Variants in MOGAT2 observed in about 807,000 individuals in gnomAD.
The protein encoded by MOGAT2 is monoacylglycerol O-acyltransferase 2.
In MOGAT2, 27 loss-of-function variants were observed where a neutral mutation model predicts 31.5. The ratio of observed to expected loss-of-function variants is 0.86; its 90% CI spans 0.63 to 1.18. The LOEUF (loss-of-function observed/expected upper bound fraction) is 1.18, where lower values mean the gene tolerates loss of function less well. MOGAT2 is among the 50% of genes most tolerant of loss of function. MOGAT2 has a pLI of 0.00. For missense variants in MOGAT2, 436 were observed against 433.2 expected, an observed-to-expected ratio of 1.01 and a Z score of -0.06; for synonymous variants, 163 against 170.0, an observed-to-expected ratio of 0.96 and a Z score of 0.32.
Position 75,732,733 on chromosome 11 carries a change from T to C in MOGAT2, c.*1447T>C, listed in dbSNP as rs1377953644. The C allele has an allele frequency of 1.3e-5, 2 of 152,250 alleles. No individual in the cohort carries two copies. Among genetic ancestry groups the C allele is most frequent in the African/African-American group, 4.8e-5 (2 of 41,446 alleles). 9.4% of individuals were successfully genotyped at this position (152,250 alleles called of 1,614,324 possible). On this transcript the variant is annotated 3_prime_UTR_variant, in exon 6 of 6. Coordinates refer to ENST00000198801, the MANE Select transcript of MOGAT2 (RefSeq NM_025098.4). ...TACTCATCCTACAATACTGATTTTA[T>C]CTGTGCAAAGAAGTCTTCCCCAGTG...
chr11:75,728,659 A>T lies in MOGAT2; in HGVS notation c.651-131A>T, dbSNP rs538160253. 1.3e-5 allele frequency: 10 copies of T among 749,154 alleles called. No homozygotes were observed. In the South Asian group the frequency reaches 1.7e-4, roughly 12 times the overall value. 46.4% of individuals were successfully genotyped at this position (749,154 alleles called of 1,614,324 possible). A position where few individuals can be genotyped will look rare whatever the true frequency, so the allele number is the denominator to read the frequency against. On this transcript the variant is annotated intron_variant, in intron 4 of 5. Transcript: ENST00000198801. The stretch of plus-strand genomic sequence containing the variant: ...GGTCTGGGAGATAACCCAGGCCTCC[A>T]CCTCCAGCCCAGGTGGCTGACCTCT...
intron 2 of MOGAT2, among the ~76,000 whole-genome samples, chr11:75,726,319 C>G (rs1565300684): frequency 6.6e-6 from 1 of 152,204 alleles, no homozygotes; most frequent in Non-Finnish European, 1.5e-5. Flanking sequence ...TTCCACCCAA[C>G]AGGACTCGCT....
At chr11:75,720,540 A>C (rs1246531170) in intron 2 of MOGAT2, among the ~76,000 whole-genome samples, 1 of 152,176 alleles carries the variant, frequency 6.6e-6, no homozygotes, top group East Asian at 1.9e-4. Flanking sequence ...ATCTAGCCTC[A>C]CACTTAACAT....
rs138926284 is a variant in MOGAT2, at chr11:75,730,681, C to T, written c.851-451C>T. On this transcript the variant is annotated intron_variant, in intron 5 of 5. Transcript: ENST00000198801. ...ATCCCAGCACTTTGGGAGGTCGAGACGGGCAGATCACAAGGTCAGGAATTC... is the reference window on the plus strand; with the variant it reads ...ATCCCAGCACTTTGGGAGGTCGAGATGGGCAGATCACAAGGTCAGGAATTC... 2.3e-3 allele frequency among the ~76,000 whole-genome samples: 344 copies of T among 152,174 alleles called. 2 individuals are homozygous for T. The highest frequency in any genetic ancestry group is 0.014 in the East Asian group (73 of 5,174).
In MOGAT2 at chr11:75,732,580, A is replaced by G. The variant is rs1944493018; in HGVS notation, c.*1294A>G. 6.6e-6 allele frequency: 1 copy of G among 152,230 alleles called. No homozygotes were observed. Among genetic ancestry groups the G allele is most frequent in the Non-Finnish European group, 1.5e-5 (1 of 68,104 alleles). The allele number at this position is 152,230 out of a possible 1,614,324, so 9.4% of individuals were successfully genotyped here. On this transcript the variant is annotated 3_prime_UTR_variant, in exon 6 of 6. Coordinates refer to ENST00000198801, the MANE Select transcript of MOGAT2 (RefSeq NM_025098.4). ...TCTTCCTCCCTTACTCCGTGCTCCCATCACTCGGAACCATTTGCATTTCTT... is the reference window on the plus strand; with the variant it reads ...TCTTCCTCCCTTACTCCGTGCTCCCGTCACTCGGAACCATTTGCATTTCTT...
At chr11:75,718,061 T>C in intron 1 of MOGAT2, 82 bp downstream of exon 1, 2 of 1,325,256 alleles carry the variant, frequency 1.5e-6, no homozygotes, top group South Asian at 1.2e-5. Flanking sequence ...CACAGCACAT[T>C]GATGGTGGCA....
chr11:75,723,258 C>G (rs2135733086), intron 2 of MOGAT2, among the ~76,000 whole-genome samples: 1 of 119,766 alleles, frequency 8.3e-6, no homozygotes, highest in Admixed American at 8.2e-5. Flanking sequence ...GCTCTGTGCA[C>G]TGTTTTGTTT....
rs1162156663 is a variant in MOGAT2 at position 75,726,627 on chromosome 11, AT to A, written c.271-799del. Among the ~76,000 whole-genome samples, 2 of 144,858 alleles carry A rather than the reference AT, an allele frequency of 1.4e-5. 1 individual carries two copies. The highest frequency in any genetic ancestry group is 1.4e-4 in the Admixed American group (2 of 14,604). ...ATATTCACTACAGGTGCAACAATCT[AT>A]TTTTTTTTCTGAATACATCTGAGGT... On this transcript the variant is annotated intron_variant, in intron 2 of 5. Transcript: ENST00000198801.
At chr11:75,727,306 G>C in intron 2 of MOGAT2, 129 bp from the exon 3 acceptor site, 1 of 717,164 alleles carries the variant, frequency 1.4e-6, no homozygotes, top group South Asian at 1.8e-5. Context: ...AAGAACCCAG[G>C]GTGGTCAGAC....
chr11:75,730,584 G>T (rs986217472), intron 5 of MOGAT2, among the ~76,000 whole-genome samples: 2 of 152,180 alleles, frequency 1.3e-5, no homozygotes, highest in Admixed American at 1.3e-4. Context: ...AGTATTTCAT[G>T]TAAAGCACCT....
rs1944476386 is a variant in MOGAT2 at position 75,731,171 on chromosome 11, CGGA to C, written c.899_901del (p.Glu300del). 1.2e-6 allele frequency: 2 copies of C among 1,613,962 alleles called. No homozygotes were observed. The highest frequency in any genetic ancestry group is 1.3e-5 in the African/African-American group (1 of 74,862). Reference sequence around the variant, plus strand: ...GAGGTACAGAAGACGCTGCATCCCTCGGAGGAGGAGGTGAACCAGCTGCACCAG... The same window carrying C: ...GAGGTACAGAAGACGCTGCATCCCTCGGAGGAGGTGAACCAGCTGCACCAG... On this transcript the variant is annotated inframe_deletion, in exon 6 of 6. Transcript: ENST00000198801.
intron 2 of MOGAT2, among the ~76,000 whole-genome samples, chr11:75,721,031 G>T (rs536764543): frequency 6.6e-6 from 1 of 152,200 alleles, no homozygotes; most frequent in African/African-American, 2.4e-5. Context: ...CAGTGGGGAC[G>T]CAGAGAAGGG....
At chr11:75,730,766 G>T (rs543175479) in intron 5 of MOGAT2, among the ~76,000 whole-genome samples, 1 of 151,958 alleles carries the variant, frequency 6.6e-6, no homozygotes, top group East Asian at 1.9e-4. Flanking sequence ...AAAATTAGCT[G>T]GGCATGGTGG....
At chr11:75,727,830 C>A in intron 3 of MOGAT2, 140 bp from the exon 4 acceptor site, 1 of 1,038,860 alleles carries the variant, frequency 9.6e-7, no homozygotes, top group South Asian at 1.6e-5. Context: ...ACTCAGGGAG[C>A]TCCTAGCTGG....
At chr11:75,720,227 C>A in intron 2 of MOGAT2, 57 bp downstream of exon 2, 1 of 1,559,434 alleles carries the variant, frequency 6.4e-7, no homozygotes, top group South Asian at 1.2e-5. Flanking sequence ...GTGGTCAGGG[C>A]CAGAGTGCCG....
intron 2 of MOGAT2, among the ~76,000 whole-genome samples, chr11:75,727,021 T>A (rs1466706401): frequency 6.6e-6 from 1 of 152,148 alleles, no homozygotes; most frequent in Non-Finnish European, 1.5e-5. Context: ...TGGGGCTGTT[T>A]CAGCATGGCG....
At chr11:75,725,467 G>C (rs1944413563) in intron 2 of MOGAT2, among the ~76,000 whole-genome samples, 1 of 152,102 alleles carries the variant, frequency 6.6e-6, no homozygotes, top group Admixed American at 6.5e-5. Context: ...AAAATTGTTT[G>C]AACCTGGGAG....
rs1012666966 is a variant in MOGAT2, at chr11:75,729,130, G to A, written c.850+141G>A. On this transcript the variant is annotated intron_variant, in intron 5 of 5. Transcript: ENST00000198801. ...TAGACTGGGAAACATACACACACAA[G>A]CAGATAGAATAGAAGACAGTCTGGG... The A allele has an allele frequency of 1.3e-4, 102 of 770,410 alleles. No individual in the cohort carries two copies. The African/African-American group carries it at 1.5e-3, about 11-fold the overall frequency. The allele number at this position is 770,410 out of a possible 1,614,324, so 47.7% of individuals were successfully genotyped here.
In MOGAT2 at chr11:75,728,522, T is replaced by C. The variant is rs937179483; in HGVS notation, c.651-268T>C. The stretch of plus-strand genomic sequence containing the variant: ...ATTTTTCTAGGAAAAACAATGCAGA[T>C]TTTTATATCTGGGAGGACTCTCTGA... On this transcript the variant is annotated intron_variant, in intron 4 of 5. Transcript: ENST00000198801. 5.3e-6 allele frequency: 3 copies of C among 565,286 alleles called. No individual in the cohort carries two copies. In the African/African-American group the frequency reaches 5.6e-5, roughly 11 times the overall value. 35.0% of individuals were successfully genotyped at this position (565,286 alleles called of 1,614,324 possible).
Sources: allele counts gnomAD v4.1 joint callset (sites outside exome capture counted in the v4.1 genomes callset), GRCh38; gene constraint gnomAD v4.1.1; transcripts MANE v1.5; gene names NCBI Gene and HGNC (gene_info 2026-07-23, HGNC 2026-07-21).